Variants in DPY19L1 observed in about 807,000 individuals in gnomAD.
The protein encoded by DPY19L1 is protein C-mannosyl-transferase DPY19L1.
In DPY19L1, 35 loss-of-function variants were observed where a neutral mutation model predicts 96.9. The observed-to-expected ratio is 0.36, with a 90% CI of 0.28 to 0.48. DPY19L1 has a LOEUF of 0.48. Among genes scored for constraint, DPY19L1 ranks in the 20% least tolerant of loss-of-function variants. The pLI is 0.99. For missense variants in DPY19L1, 521 were observed against 777.9 expected (o/e 0.67, Z 3.93); for synonymous variants, 205 against 252.6 (o/e 0.81, Z 1.79).
rs146119804 is a variant in DPY19L1 at position 34,942,110 on chromosome 7, G to C, written c.1570-226C>G. 3.0e-3 allele frequency among the ~76,000 whole-genome samples: 450 copies of C among 152,322 alleles called. 3 individuals carry two copies. The highest frequency in any genetic ancestry group is 0.011 in the African/African-American group (440 of 41,568). ...GGCAAGTGTTTCTGTGATTCTCAGA[G>C]TCAAACCTGTGGTTAATAAAGCCCA... On this transcript the variant is annotated intron_variant, in intron 17 of 21. Transcript: ENST00000638088.
chr7:35,023,833 C>CTTTTTT lies in DPY19L1; in HGVS notation c.299-5243_299-5238dup, dbSNP rs755619806. ...AAATATATTCTTTTTCTTTTCTTTT[C>CTTTTTT]TTTTTTTTTTTTTTTTTTTTGAGAC... On this transcript the variant is annotated intron_variant, in intron 1 of 21. Transcript: ENST00000638088. Among the ~76,000 whole-genome samples, 334 of 111,792 alleles carry CTTTTTT rather than the reference C, an allele frequency of 3.0e-3. 1 individual carries two copies. Among genetic ancestry groups the CTTTTTT allele is most frequent in the Non-Finnish European group, 4.2e-3 (232 of 55,632 alleles). The allele number at this position is 111,792 out of a possible 152,430, so 73.3% of individuals were successfully genotyped here.
intron 1 of DPY19L1, among the ~76,000 whole-genome samples, chr7:35,030,689 A>T (rs778014135): frequency 1.3e-5 from 2 of 152,192 alleles, no homozygotes; most frequent in Non-Finnish European, 2.9e-5. Context: ...TAATAGTGAG[A>T]ATGCTGAGAA....
At chr7:34,959,898 A>AATATATATATATAAATATATATATTT (rs1784456584) in intron 10 of DPY19L1, among the ~76,000 whole-genome samples, 2 of 62,432 alleles carry the variant, frequency 3.2e-5, no homozygotes, top group African/African-American at 2.3e-4. Flanking sequence ...TTTGTATATA[A>AATATATATATATAAATATATATATTT]ATATATATAT....
intron 1 of DPY19L1, among the ~76,000 whole-genome samples, chr7:35,020,675 T>C (rs17204729): frequency 0.012 from 1,899 of 152,326 alleles, 21 homozygotes; most frequent in Non-Finnish European, 0.02. Flanking sequence ...TTAATTCATA[T>C]AGTTTTTTAA....
intron 11 of DPY19L1, among the ~76,000 whole-genome samples, chr7:34,956,739 G>A (rs564990854): frequency 1.3e-5 from 2 of 152,014 alleles, no homozygotes; most frequent in South Asian, 2.1e-4. Context: ...TCCTGACCTC[G>A]TGATCCACCT....
At chr7:35,006,765 C>G (rs2128677016) in intron 6 of DPY19L1, among the ~76,000 whole-genome samples, 1 of 152,294 alleles carries the variant, frequency 6.6e-6, no homozygotes, top group South Asian at 2.1e-4. Context: ...CTCCATTCAC[C>G]ATTTGCCTGT....
chr7:35,034,019 T>A (rs1378933478), intron 1 of DPY19L1, among the ~76,000 whole-genome samples: 1 of 152,068 alleles, frequency 6.6e-6, no homozygotes, highest in South Asian at 2.1e-4. Flanking sequence ...TTGCAAAGCC[T>A]TGTCAATAAG....
At chr7:35,004,944 G>C (rs1462243043) in intron 6 of DPY19L1, among the ~76,000 whole-genome samples, 3 of 152,124 alleles carry the variant, frequency 2.0e-5, no homozygotes, top group Admixed American at 1.3e-4. Context: ...ACTGCCCACT[G>C]TTTTCTCCAG....
chr7:35,029,662 T>G (rs1199127113), intron 1 of DPY19L1, among the ~76,000 whole-genome samples: 2 of 152,106 alleles, frequency 1.3e-5, no homozygotes, highest in African/African-American at 4.8e-5. Flanking sequence ...AAAATTCAAT[T>G]AAATAGTTTT....
chr7:34,990,784 A>C (rs1229132934), intron 6 of DPY19L1, among the ~76,000 whole-genome samples: 20 of 152,200 alleles, frequency 1.3e-4, no homozygotes. Context: ...ATTTTAGCTC[A>C]TGCTGCTTTC....
intron 6 of DPY19L1, among the ~76,000 whole-genome samples, chr7:35,008,245 T>G (rs1354097990): frequency 1.3e-5 from 2 of 152,194 alleles, no homozygotes; most frequent in East Asian, 1.9e-4. Context: ...CACACCCTGC[T>G]GCACTCCCAT....
intron 7 of DPY19L1, among the ~76,000 whole-genome samples, chr7:34,981,517 T>C (rs532886040): frequency 6.6e-6 from 1 of 152,238 alleles, no homozygotes; most frequent in Non-Finnish European, 1.5e-5. Context: ...GGCATTTTTA[T>C]AATAGAGACA....
chr7:34,942,032 T>C lies in DPY19L1; in HGVS notation c.1570-148A>G, dbSNP rs971967519. 68 of 869,940 alleles carry C rather than the reference T, an allele frequency of 7.8e-5. No individual in the cohort carries two copies. The African/African-American group carries it at 1.1e-3, about 14-fold the overall frequency. 53.9% of individuals were successfully genotyped at this position (869,940 alleles called of 1,614,324 possible). A position where few individuals can be genotyped will look rare whatever the true frequency, so the allele number is the denominator to read the frequency against. On this transcript the variant is annotated intron_variant, in intron 17 of 21. Transcript: ENST00000638088. ...AAACTTCGAAAACAATTCTTAAAATTCACTTTCAAACTGTTCCATTTTAGT... is the reference window on the plus strand; with the variant it reads ...AAACTTCGAAAACAATTCTTAAAATCCACTTTCAAACTGTTCCATTTTAGT...
chr7:35,027,794 C>T (rs1414899470), intron 1 of DPY19L1, among the ~76,000 whole-genome samples: 5 of 151,738 alleles, frequency 3.3e-5, no homozygotes, highest in African/African-American at 1.2e-4. Flanking sequence ...GCCAAAATTG[C>T]GCCATTGCAC....
At chr7:34,940,103 G>T in intron 19 of DPY19L1, 50 bp downstream of exon 19, 1 of 1,426,972 alleles carries the variant, frequency 7.0e-7, no homozygotes, top group Non-Finnish European at 9.1e-7. Flanking sequence ...TAAAATTGTG[G>T]GAAAAACAGC....
upstream of DPY19L1, chr7:35,037,859 G>T: frequency 8.1e-7 from 1 of 1,235,382 alleles, no homozygotes; most frequent in Non-Finnish European, 1.0e-6. Flanking sequence ...GCGAGGACGC[G>T]GGGGCGGACG....
chr7:34,934,303 C>A (rs1292270701), intron 21 of DPY19L1, among the ~76,000 whole-genome samples: 3 of 152,156 alleles, frequency 2.0e-5, no homozygotes, highest in Non-Finnish European at 4.4e-5. Context: ...AAAACCCTGG[C>A]AGATGCTCTT....
intron 4 of DPY19L1, 87 bp from the exon 5 acceptor site, chr7:35,011,537 C>T: frequency 1.6e-6 from 2 of 1,286,614 alleles, no homozygotes; most frequent in South Asian, 3.0e-5. Context: ...TTGACAATTA[C>T]CATATTTTCC....
chr7:34,983,392 C>T (rs530414292), intron 7 of DPY19L1, among the ~76,000 whole-genome samples: 2 of 150,704 alleles, frequency 1.3e-5, no homozygotes, highest in Admixed American at 6.6e-5. Flanking sequence ...GATTTTAAAA[C>T]GTATAGAAAA....
Sources: allele counts gnomAD v4.1 joint callset (sites outside exome capture counted in the v4.1 genomes callset), GRCh38; gene constraint gnomAD v4.1.1; transcripts MANE v1.5; gene names NCBI Gene and HGNC (gene_info 2026-07-23, HGNC 2026-07-21).